The following RFX3 variants were observed in gnomAD, a reference collection of about 807,000 sequenced individuals.
RFX3 encodes transcription factor RFX3.
In RFX3, 14 loss-of-function variants were observed where a neutral mutation model predicts 98.6. The observed-to-expected ratio is 0.14, with a 90% CI of 0.09 to 0.22. The LOEUF (loss-of-function observed/expected upper bound fraction) is 0.22. Ranked by LOEUF, RFX3 falls within the 10% of genes least tolerant of loss-of-function variation. The probability of loss-of-function intolerance (pLI) is 1.00; values close to 1 mark genes in which losing one functional copy is unlikely to be tolerated. For synonymous variants in RFX3, 383 were observed against 328.4 expected (o/e 1.17, Z -1.80); for missense variants, 639 against 926.9 (o/e 0.69, Z 4.03).
intron 3 of RFX3, among the ~76,000 whole-genome samples, chr9:3,335,604 C>T (rs1233908354): frequency 6.6e-6 from 1 of 152,210 alleles, no homozygotes; most frequent in Non-Finnish European, 1.5e-5. Flanking sequence ...TTAAATGATA[C>T]TGCTGTGTTC....
intron 1 of RFX3, among the ~76,000 whole-genome samples, chr9:3,518,450 G>C (rs997463721): frequency 1.3e-5 from 2 of 152,116 alleles, no homozygotes; most frequent in Non-Finnish European, 2.9e-5. Context: ...GGAGTGGGGA[G>C]AATGGTGAAA....
rs574940793 is a variant in RFX3, at chr9:3,237,510, G to C, written c.1969-8621C>G. ...TACTTGGATAGTCAATGCAGAATTG[G>C]TATTTAAAAATCTAATCCAGAGTAG... On this transcript the variant is annotated intron_variant, in intron 15 of 16. Coordinates refer to ENST00000617270, the MANE Select transcript of RFX3 (RefSeq NM_001282116.2). Among the ~76,000 whole-genome samples the C allele has an allele frequency of 1.1e-4, 16 of 152,122 alleles. No individual in the cohort carries two copies. The South Asian group carries it at 3.3e-3, about 32-fold the overall frequency.
chr9:3,275,387 A>G (rs1418030234), intron 9 of RFX3, 113 bp downstream of exon 9: 2 of 576,346 alleles, frequency 3.5e-6, no homozygotes, highest in East Asian at 2.9e-5. Context: ...GATACGCTCA[A>G]AAGAATTAGT....
intron 1 of RFX3, among the ~76,000 whole-genome samples, chr9:3,452,897 T>C (rs1289158642): frequency 6.6e-6 from 1 of 152,174 alleles, no homozygotes; most frequent in Non-Finnish European, 1.5e-5. Flanking sequence ...TCCAGGAGAT[T>C]AGACTAAAAT....
chr9:3,303,841 C>G (rs1461889301), intron 4 of RFX3, among the ~76,000 whole-genome samples: 1 of 151,992 alleles, frequency 6.6e-6, no homozygotes, highest in Non-Finnish European at 1.5e-5. Flanking sequence ...AACAGATACA[C>G]TGACATTCTA....
intron 4 of RFX3, among the ~76,000 whole-genome samples, chr9:3,317,873 C>G (rs1401445578): frequency 1.3e-5 from 2 of 152,162 alleles, no homozygotes; most frequent in Admixed American, 6.5e-5. Flanking sequence ...CAGGAAACAA[C>G]AGGTGCTGGA....
intron 1 of RFX3, among the ~76,000 whole-genome samples, chr9:3,467,129 A>AGTATATATGTATATACATATATATTAT (rs1564138965): frequency 0.067 from 8,793 of 131,548 alleles, 419 homozygotes; most frequent in East Asian, 0.091. Context: ...CATATATGTA[A>AGTATATATGTATATACATATATATTAT]GTATATATGT....
chr9:3,283,372 A>T (rs966813215), intron 7 of RFX3, among the ~76,000 whole-genome samples: 2 of 151,794 alleles, frequency 1.3e-5, no homozygotes, highest in Admixed American at 1.3e-4. Context: ...ACTTCAAAAC[A>T]ATCTGTGAGA....
At chr9:3,250,778 A>C (rs887965980) in intron 14 of RFX3, among the ~76,000 whole-genome samples, 2 of 152,144 alleles carry the variant, frequency 1.3e-5, no homozygotes, top group Non-Finnish European at 2.9e-5. Context: ...TGAAGTAGAC[A>C]TAAGTAGTAA....
At chr9:3,234,982 T>C (rs149623580) in intron 15 of RFX3, among the ~76,000 whole-genome samples, 15 of 151,844 alleles carry the variant, frequency 9.9e-5, no homozygotes, top group African/African-American at 3.6e-4. Flanking sequence ...CAGAAATGAG[T>C]GAGAAAAATC....
At chr9:3,312,149 T>C (rs545525171) in intron 4 of RFX3, among the ~76,000 whole-genome samples, 2 of 152,352 alleles carry the variant, frequency 1.3e-5, no homozygotes, top group Admixed American at 6.5e-5. Context: ...TATTGCTTCA[T>C]GAAACTTTAG....
chr9:3,301,814 T>C lies in RFX3; in HGVS notation c.475-194A>G, dbSNP rs532741679. ...AAAATAAAAATATGCACACTAATAA[T>C]AAGCCCATTCACAAAGTAAACCTTT... is the stretch of plus-strand genomic sequence containing the variant. On this transcript the variant is annotated intron_variant, in intron 4 of 16. Coordinates refer to ENST00000617270, the MANE Select transcript of RFX3 (RefSeq NM_001282116.2). 5.9e-5 allele frequency among the ~76,000 whole-genome samples: 9 copies of C among 151,958 alleles called. No homozygotes were observed. In the South Asian group the frequency reaches 6.2e-4, roughly 11 times the overall value.
intron 1 of RFX3, among the ~76,000 whole-genome samples, chr9:3,501,693 A>C (rs1431163821): frequency 2.0e-5 from 3 of 150,706 alleles, no homozygotes; most frequent in Admixed American, 2.0e-4. Flanking sequence ...AGTAGCTGGG[A>C]TTACAAGGCA....
At chr9:3,469,320 C>G in intron 1 of RFX3, 1 of 307,748 alleles carries the variant, frequency 3.2e-6, no homozygotes, top group Non-Finnish European at 6.5e-6. Flanking sequence ...CTTCTATTTT[C>G]TAGTCTAGTA....
At chr9:3,437,861 G>A (rs1845286930) in intron 1 of RFX3, among the ~76,000 whole-genome samples, 1 of 151,932 alleles carries the variant, frequency 6.6e-6, no homozygotes, top group African/African-American at 2.4e-5. Flanking sequence ...CTTAAAATTG[G>A]ATAGGGAAAT....
At position 3,223,400 on chromosome 9, in the gene RFX3, TAGACACAC is replaced by T. The variant is rs1817462375; in HGVS notation, c.*1634_*1641del. ...GTGTCCATGTGGACTCACCAGCACC[TAGACACAC>T]AGACAAACATTTAGACTGAAAAGAT... On this transcript the variant is annotated 3_prime_UTR_variant, in exon 17 of 17. Transcript: ENST00000617270. 6.6e-6 allele frequency: 1 copy of T among 152,206 alleles called. No individual in the cohort carries two copies. The highest frequency in any genetic ancestry group is 1.5e-5 in the Non-Finnish European group (1 of 68,042). The allele number at this position is 152,206 out of a possible 1,614,324, so 9.4% of individuals were successfully genotyped here.
intron 1 of RFX3, among the ~76,000 whole-genome samples, chr9:3,415,336 T>C (rs1401220282): frequency 1.3e-5 from 2 of 151,188 alleles, no homozygotes; most frequent in East Asian, 3.9e-4. Context: ...TGCCTCAGTC[T>C]CCCAAAGTGC....
At chr9:3,270,794 G>A (rs1193127588) in intron 10 of RFX3, 3 of 696,724 alleles carry the variant, frequency 4.3e-6, no homozygotes, top group Middle Eastern at 3.3e-4. Context: ...AACTACCACA[G>A]TCCCCCAAAT....
At chr9:3,469,605 CT>C (rs1437767037) in intron 1 of RFX3, among the ~76,000 whole-genome samples, 3 of 152,066 alleles carry the variant, frequency 2.0e-5, no homozygotes, top group African/African-American at 7.2e-5. Context: ...TTTGGAACAG[CT>C]CTTCTCATGG....
Sources: gnomAD v4.1 joint callset for allele counts (sites outside exome capture counted in the v4.1 genomes callset) on GRCh38, gnomAD v4.1.1 for gene constraint, MANE v1.5 for transcripts, NCBI Gene and HGNC (gene_info 2026-07-23, HGNC 2026-07-21) for gene names.